RNF111: variants seen among roughly 807,000 people sequenced by gnomAD.
The protein encoded by RNF111 is ring finger protein 111.
In RNF111, 17 loss-of-function variants were observed where a neutral mutation model predicts 95.1. That is an observed-to-expected ratio of 0.18 (90% CI 0.12 to 0.27). The LOEUF is 0.27. Ranked by LOEUF, RNF111 falls within the 10% of genes least tolerant of loss-of-function variation. The probability of loss-of-function intolerance (pLI) is 1.00; values close to 1 mark genes in which losing one functional copy is unlikely to be tolerated. For missense variants in RNF111, 1,189 were observed against 1,210.4 expected, an observed-to-expected ratio of 0.98 and a Z score of 0.26; for synonymous variants, 440 against 414.8, an observed-to-expected ratio of 1.06 and a Z score of -0.74.
chr15:59,028,804 G>C (rs1280554828), intron 1 of RNF111, among the ~76,000 whole-genome samples: 1 of 146,978 alleles, frequency 6.8e-6, no homozygotes, highest in East Asian at 2.0e-4. Flanking sequence ...TCTTGAGATA[G>C]AGTCTTGCTC....
In RNF111 at chr15:59,031,472, T is replaced by C; in HGVS notation, c.650T>C (p.Val217Ala). Reference sequence around the variant, plus strand: ...AGACTTCCATGCAGAAAGAGATTTGTAAAAAATAATTCCTCACAGAGGACA... The same window carrying C: ...AGACTTCCATGCAGAAAGAGATTTGCAAAAAATAATTCCTCACAGAGGACA... ...LRRLPCRKRFVKNNSSQRTQK... is the reference protein window; with the variant it reads ...LRRLPCRKRFAKNNSSQRTQK... Residue 217 changes from valine to alanine, a missense_variant, in exon 2 of 14, where the codon GTA becomes GCA. Physicochemically the swap from Val to Ala is moderately conservative, Grantham distance 64 (BLOSUM62 0). Transcript: ENST00000348370. 2 of 1,614,178 alleles carry C rather than the reference T, an allele frequency of 1.2e-6. No homozygotes were observed. Among genetic ancestry groups the C allele is most frequent in the Non-Finnish European group, 1.7e-6 (2 of 1,180,026 alleles).
chr15:59,088,957 CA>C (rs2078974176), intron 10 of RNF111, among the ~76,000 whole-genome samples: 1 of 152,086 alleles, frequency 6.6e-6, no homozygotes, highest in African/African-American at 2.4e-5. Flanking sequence ...ACAAAAAGCA[CA>C]AAACTGTGAA....
intron 1 of RNF111, among the ~76,000 whole-genome samples, chr15:59,019,423 T>C (rs1040795931): frequency 4.7e-4 from 72 of 152,146 alleles, no homozygotes; most frequent in African/African-American, 1.7e-3. Context: ...AAAAATTGGC[T>C]TTCTTCTAAT....
intron 2 of RNF111, among the ~76,000 whole-genome samples, chr15:59,031,903 A>G (rs1217790088): frequency 6.6e-6 from 1 of 152,236 alleles, no homozygotes; most frequent in Non-Finnish European, 1.5e-5. Context: ...TTCTAGTGAC[A>G]AAAATAAGTC....
At chr15:59,012,498 T>C (rs2039872966) in intron 1 of RNF111, among the ~76,000 whole-genome samples, 1 of 152,230 alleles carries the variant, frequency 6.6e-6, no homozygotes, top group South Asian at 2.1e-4. Flanking sequence ...ATGCTTTGTG[T>C]ACGTATTGAC....
Position 59,052,663 on chromosome 15 carries a change from T to G in RNF111, c.1007+232T>G, listed in dbSNP as rs982143032. The stretch of plus-strand genomic sequence containing the variant: ...CCTTGGCTCAAGTGATTCTCCTGTC[T>G]CATTCTCCATAGTAGCTAGGACTGT... On this transcript the variant is annotated intron_variant, in intron 3 of 13. Transcript: ENST00000348370. 6.0e-5 allele frequency among the ~76,000 whole-genome samples: 9 copies of G among 149,728 alleles called. 1 individual carries two copies. Among genetic ancestry groups the G allele is most frequent in the African/African-American group, 2.0e-4 (8 of 40,640 alleles).
intron 1 of RNF111, among the ~76,000 whole-genome samples, chr15:58,997,772 C>T (rs558921595): frequency 2.0e-5 from 3 of 150,466 alleles, no homozygotes; most frequent in African/African-American, 4.9e-5. Context: ...GCCAAGATTG[C>T]GCCACTGCAC....
chr15:59,042,625 T>C (rs891697751), intron 2 of RNF111, among the ~76,000 whole-genome samples: 1 of 152,132 alleles, frequency 6.6e-6, no homozygotes, highest in Non-Finnish European at 1.5e-5. Context: ...ATAGGAAAAA[T>C]GGACCAAATT....
intron 2 of RNF111, among the ~76,000 whole-genome samples, chr15:59,033,772 C>T (rs961599786): frequency 3.3e-5 from 5 of 152,022 alleles, no homozygotes; most frequent in South Asian, 2.1e-4. Flanking sequence ...CTTACTGTAG[C>T]GTGTGTGTTT....
intron 6 of RNF111, 68 bp downstream of exon 6, chr15:59,067,151 T>C: frequency 2.3e-6 from 3 of 1,294,438 alleles, no homozygotes; most frequent in African/African-American, 1.5e-5. Flanking sequence ...CCTTCTCCCT[T>C]TTCTCTCTCT....
chr15:59,050,728 C>T (rs966223604), intron 2 of RNF111, among the ~76,000 whole-genome samples: 1 of 152,162 alleles, frequency 6.6e-6, no homozygotes, highest in African/African-American at 2.4e-5. Context: ...AATCCATCAC[C>T]TCCAAAAATT....
intron 1 of RNF111, among the ~76,000 whole-genome samples, chr15:59,001,425 G>A (rs2039319038): frequency 6.6e-6 from 1 of 151,702 alleles, no homozygotes; most frequent in African/African-American, 2.4e-5. Flanking sequence ...TATTTTTGTT[G>A]TTGATTAAAA....
At chr15:59,008,016 G>A (rs1353154800) in intron 1 of RNF111, among the ~76,000 whole-genome samples, 1 of 152,102 alleles carries the variant, frequency 6.6e-6, no homozygotes, top group Non-Finnish European at 1.5e-5. Flanking sequence ...ATAAAGTCAA[G>A]CTTACTAATT....
At chr15:59,022,921 G>A (rs1473497801) in intron 1 of RNF111, among the ~76,000 whole-genome samples, 1 of 152,148 alleles carries the variant, frequency 6.6e-6, no homozygotes, top group Non-Finnish European at 1.5e-5. Context: ...CAGTGTTCTG[G>A]TGGATTCCCT....
chr15:58,989,619 G>A (rs2141337734), intron 1 of RNF111, among the ~76,000 whole-genome samples: 1 of 152,274 alleles, frequency 6.6e-6, no homozygotes, highest in Non-Finnish European at 1.5e-5. Context: ...TTTAAAGAAA[G>A]GTATAAACAA....
chr15:59,094,649 C>T (rs1016179666), intron 13 of RNF111, 134 bp from the exon 14 acceptor site: 3 of 583,178 alleles, frequency 5.1e-6, no homozygotes, highest in Admixed American at 5.8e-5. Flanking sequence ...CTAATTTAAT[C>T]GATGTGTTTT....
chr15:58,994,375 C>T (rs1303125192), intron 1 of RNF111, among the ~76,000 whole-genome samples: 7 of 151,412 alleles, frequency 4.6e-5, no homozygotes, highest in East Asian at 1.9e-4. Context: ...TCAAACTTAC[C>T]GAAAGATTTA....
Position 59,091,312 on chromosome 15 carries a change from T to A in RNF111, c.2739+158T>A, listed in dbSNP as rs117125233. On this transcript the variant is annotated intron_variant, in intron 12 of 13. Transcript: ENST00000348370. ...TGGAAAGTATAAAAAATATATACTTTGCAGTTTTTTACTCTGCAGACCCTA... is the reference window on the plus strand; with the variant it reads ...TGGAAAGTATAAAAAATATATACTTAGCAGTTTTTTACTCTGCAGACCCTA... 9.8e-5 allele frequency among the ~76,000 whole-genome samples: 15 copies of A among 152,382 alleles called. No individual in the cohort carries two copies. In the East Asian group the frequency reaches 2.7e-3, roughly 27 times the overall value.
At chr15:59,036,904 G>A (rs773801560) in intron 2 of RNF111, among the ~76,000 whole-genome samples, 9 of 151,890 alleles carry the variant, frequency 5.9e-5, no homozygotes, top group African/African-American at 1.5e-4. Context: ...ATTATGACTC[G>A]CTGCAGCCTC....
Sources: allele counts gnomAD v4.1 joint callset (sites outside exome capture counted in the v4.1 genomes callset), GRCh38; gene constraint gnomAD v4.1.1; transcripts MANE v1.5; gene names NCBI Gene and HGNC (gene_info 2026-07-23, HGNC 2026-07-21).